HIPK2: variants seen among roughly 807,000 people sequenced by gnomAD.
HIPK2 encodes homeodomain-interacting protein kinase 2.
In HIPK2, 27 loss-of-function variants were observed where a neutral mutation model predicts 113.7. The observed-to-expected ratio is 0.24, with a 90% confidence interval of 0.17 to 0.33. The LOEUF (loss-of-function observed/expected upper bound fraction) is 0.33, where lower values mean the gene tolerates loss of function less well. HIPK2 is among the 10% of genes least tolerant of loss of function. The pLI is 1.00. For missense variants in HIPK2, 1,257 were observed against 1,588.0 expected (o/e 0.79, Z 3.54); for synonymous variants, 631 against 642.2 (o/e 0.98, Z 0.26).
chr7:139,728,180 C>T (rs1009716306), intron 1 of HIPK2, among the ~76,000 whole-genome samples: 122 of 151,960 alleles, frequency 8.0e-4, no homozygotes, highest in African/African-American at 2.7e-3. Flanking sequence ...TGGGCTCAAG[C>T]GATCCTCCTG....
At chr7:139,704,139 ACAC>A (rs1794811745) in intron 2 of HIPK2, among the ~76,000 whole-genome samples, 1 of 133,236 alleles carries the variant, frequency 7.5e-6, no homozygotes, top group Non-Finnish European at 1.6e-5. Context: ...CACCACACAC[ACAC>A]ACCATACCCA....
intron 1 of HIPK2, among the ~76,000 whole-genome samples, chr7:139,751,438 T>C (rs1259396775): frequency 6.6e-6 from 1 of 151,768 alleles, no homozygotes; most frequent in Non-Finnish European, 1.5e-5. Flanking sequence ...GAGTGAATGA[T>C]CTGGGCTAGG....
chr7:139,748,342 G>A (rs1307838767), intron 1 of HIPK2, among the ~76,000 whole-genome samples: 6 of 152,020 alleles, frequency 3.9e-5, no homozygotes, highest in East Asian at 1.9e-4. Context: ...TGGGCCCTAC[G>A]TTACTTTATT....
chr7:139,765,227 C>G (rs1796534231), intron 1 of HIPK2, among the ~76,000 whole-genome samples: 1 of 152,104 alleles, frequency 6.6e-6, no homozygotes, highest in Admixed American at 6.5e-5. Flanking sequence ...CCTAGTATAT[C>G]TACTTTGGAG....
At chr7:139,707,380 C>A (rs1794933436) in intron 2 of HIPK2, among the ~76,000 whole-genome samples, 1 of 152,264 alleles carries the variant, frequency 6.6e-6, no homozygotes, top group African/African-American at 2.4e-5. Flanking sequence ...CTCCGTAAGA[C>A]CCCGCAGGGG....
At chr7:139,585,950 G>T (rs1798820623) in intron 12 of HIPK2, among the ~76,000 whole-genome samples, 1 of 152,126 alleles carries the variant, frequency 6.6e-6, no homozygotes, top group Non-Finnish European at 1.5e-5. Flanking sequence ...CCTATACAAA[G>T]AAATATGTGT....
intron 1 of HIPK2, among the ~76,000 whole-genome samples, chr7:139,754,061 G>A (rs1019248035): frequency 6.6e-5 from 10 of 152,200 alleles, no homozygotes; most frequent in African/African-American, 2.2e-4. Flanking sequence ...AAAGGGAAGC[G>A]GGGGCTCGAG....
At position 139,726,450 on chromosome 7, in the gene HIPK2, C is replaced by T. The variant is rs150186122; in HGVS notation, c.20-9435G>A. ...GGGTGCCAGAAGGAGTGGGGCTCCA[C>T]GAGTGAGAAGGAAGATGGGAAGTGG... On this transcript the variant is annotated intron_variant, in intron 1 of 14. Transcript: ENST00000406875. 4.7e-3 allele frequency among the ~76,000 whole-genome samples: 710 copies of T among 152,048 alleles called. 7 individuals are homozygous for T. Among genetic ancestry groups the T allele is most frequent in the African/African-American group, 0.016 (668 of 41,436 alleles).
At chr7:139,738,279 G>A (rs534173616) in intron 1 of HIPK2, among the ~76,000 whole-genome samples, 1 of 152,368 alleles carries the variant, frequency 6.6e-6, no homozygotes, top group South Asian at 2.1e-4. Context: ...ATGTATGAGA[G>A]CGCCCTATTC....
chr7:139,647,620 A>G (rs753877064), intron 2 of HIPK2, among the ~76,000 whole-genome samples: 6 of 152,190 alleles, frequency 3.9e-5, no homozygotes, highest in Non-Finnish European at 8.8e-5. Flanking sequence ...AGATATCTAT[A>G]TATATGCTGA....
chr7:139,624,612 T>G (rs1049868939), intron 6 of HIPK2, among the ~76,000 whole-genome samples: 1 of 152,208 alleles, frequency 6.6e-6, no homozygotes, highest in African/African-American at 2.4e-5. Context: ...CATTCCACTA[T>G]GACTATGATA....
intron 1 of HIPK2, among the ~76,000 whole-genome samples, chr7:139,737,603 T>C (rs536314011): frequency 1.3e-5 from 2 of 152,280 alleles, no homozygotes; most frequent in South Asian, 4.1e-4. Flanking sequence ...CCAAGGGCCC[T>C]GCACATCCGG....
chr7:139,751,937 G>C (rs1262389362), intron 1 of HIPK2, among the ~76,000 whole-genome samples: 1 of 152,158 alleles, frequency 6.6e-6, no homozygotes, highest in Admixed American at 6.5e-5. Flanking sequence ...GGAAGGATGG[G>C]AGGAAGGGAA....
rs929186356 is a variant in HIPK2 at position 139,568,102 on chromosome 7, A to C, written c.*4825T>G. On this transcript the variant is annotated 3_prime_UTR_variant, in exon 15 of 15. Coordinates refer to ENST00000406875, the MANE Select transcript of HIPK2 (RefSeq NM_022740.5). Reference sequence around the variant, plus strand: ...TGAGTGTTTGCCATTCCCAAGGTCCAACCAAGGGAAATCGTTCTGTCAGCA... The same window carrying C: ...TGAGTGTTTGCCATTCCCAAGGTCCCACCAAGGGAAATCGTTCTGTCAGCA... 8.5e-5 allele frequency: 13 copies of C among 152,324 alleles called. No homozygotes were observed. The highest frequency in any genetic ancestry group is 2.4e-4 in the African/African-American group (10 of 41,454). 9.4% of individuals were successfully genotyped at this position (152,324 alleles called of 1,614,324 possible).
rs532847052 is a variant in HIPK2 at position 139,631,056 on chromosome 7, C to T, written c.1347+109G>A. 14 of 1,394,888 alleles carry T rather than the reference C, an allele frequency of 1.0e-5. No homozygotes were observed. The East Asian group carries it at 3.3e-4, about 32-fold the overall frequency. 86.4% of individuals were successfully genotyped at this position (1,394,888 alleles called of 1,614,324 possible). On this transcript the variant is annotated intron_variant, in intron 4 of 14. Transcript: ENST00000406875. This position sits in a 1 kb window ranked among gnomAD's most constrained non-coding sequence, Gnocchi z 4.9. ...TACCATGTATTAACAACAGCACCCC[C>T]AGTGCCCTCATTTTGCTGACTGAAT...
intron 7 of HIPK2, 57 bp from the exon 8 acceptor site, chr7:139,614,550 G>C: frequency 1.7e-3 from 1,424 of 846,252 alleles, no homozygotes; most frequent in Non-Finnish European, 2.1e-3. Flanking sequence ...TGAGGGAGGT[G>C]GCATGTTGGG....
intron 2 of HIPK2, among the ~76,000 whole-genome samples, chr7:139,679,811 A>G (rs1802633502): frequency 6.6e-6 from 1 of 152,164 alleles, no homozygotes; most frequent in African/African-American, 2.4e-5. Flanking sequence ...AAAAAAGCCT[A>G]AAGAAACTCA....
chr7:139,664,742 C>T (rs1416050023), intron 2 of HIPK2, among the ~76,000 whole-genome samples: 1 of 152,170 alleles, frequency 6.6e-6, no homozygotes, highest in Non-Finnish European at 1.5e-5. Flanking sequence ...TCACTCTCCA[C>T]CATTAACTTA....
rs760991739 is a variant in HIPK2, at chr7:139,620,411, A to G, written c.1772T>C (p.Val591Ala). The G allele has an allele frequency of 9.3e-6, 15 of 1,613,732 alleles. No homozygotes were observed. Among genetic ancestry groups the G allele is most frequent in the Middle Eastern group, 3.3e-4 (2 of 6,084 alleles). ...TMTFNNQLTT[V>A]HNQAPSSTSA... is the part of the protein sequence containing the mutation. ...CTGTTTCCCACTTACCTGGTTGTGG[A>G]CAGTGGTCAGCTGGTTGTTAAAGGT... Residue 591 changes from valine (V) to alanine (A), a missense_variant, in exon 7 of 15, where the codon GTC becomes GCC. This residue lies in a region of HIPK2 where 862 missense variants were observed against 1,004.3 expected (regional missense o/e 0.86). Transcript: ENST00000406875.
Sources: gnomAD v4.1 joint callset for allele counts (sites outside exome capture counted in the v4.1 genomes callset) on GRCh38, gnomAD v4.1.1 for gene constraint, gnomAD v4.1.1 regional missense constraint, Gnocchi (gnomAD v3.1) non-coding constraint, MANE v1.5 for transcripts, NCBI Gene and HGNC (gene_info 2026-07-23, HGNC 2026-07-21) for gene names.